Variants in WDR1 observed in about 807,000 individuals in gnomAD.
WDR1 encodes the protein WD repeat domain 1.
A neutral mutation model predicts 71.9 loss-of-function variants in WDR1; 21 were observed. The observed-to-expected ratio is 0.29, with a 90% CI of 0.21 to 0.42. The LOEUF is 0.42. WDR1 is among the 10% of genes least tolerant of loss of function. The probability of loss-of-function intolerance (pLI) is 1.00; values close to 1 mark genes in which losing one functional copy is unlikely to be tolerated. For missense variants in WDR1, 696 were observed against 824.5 expected (o/e 0.84, Z 1.91); for synonymous variants, 424 against 347.4 (o/e 1.22, Z -2.45).
Position 10,077,295 on chromosome 4 carries a change from G to C in WDR1, c.1714+9C>G. ...GTGGTCCCTGCCAAGGCCTGGGGGC[G>C]GAAGTCACCTTGGATCTTGACTCTG... On this transcript the variant is annotated intron_variant, in intron 14 of 14. Transcript: ENST00000499869. 1 of 1,613,784 alleles carries C rather than the reference G, an allele frequency of 6.2e-7. No homozygotes were observed. Among genetic ancestry groups the C allele is most frequent in the Admixed American group, 1.7e-5 (1 of 60,016 alleles).
At chr4:10,103,802 C>CCCCCCCCCCCCACCCCCA in intron 3 of WDR1, 94 bp downstream of exon 3, 1 of 710,064 alleles carries the variant, frequency 1.4e-6, no homozygotes, top group Non-Finnish European at 2.2e-6. Context: ...TCCCTCCTCC[C>CCCCCCCCCCCCACCCCCA]ACTCTCCCAA....
At position 10,077,951 on chromosome 4, in the gene WDR1, G is replaced by A. The variant is rs994122834; in HGVS notation, c.1396-25C>T. The A allele has an allele frequency of 1.0e-5, 16 of 1,584,084 alleles. No homozygotes were observed. In the Middle Eastern group the frequency reaches 5.0e-4, roughly 50 times the overall value. On this transcript the variant is annotated intron_variant, in intron 12 of 14. Coordinates refer to ENST00000499869, the MANE Select transcript of WDR1 (RefSeq NM_017491.5). ...CCTACGGCAGGGACAGAGAGGAAGTGAGCCACCCCTGAACACACACACCAC... is the reference window on the plus strand; with the variant it reads ...CCTACGGCAGGGACAGAGAGGAAGTAAGCCACCCCTGAACACACACACCAC...
chr4:10,107,504 T>C (rs1713093228), intron 2 of WDR1, among the ~76,000 whole-genome samples: 1 of 152,152 alleles, frequency 6.6e-6, no homozygotes, highest in Admixed American at 6.5e-5. Flanking sequence ...CACTCGTCGC[T>C]ACCCTGCTGC....
At chr4:10,104,126 T>C (rs2108797694) in intron 2 of WDR1, 140 bp from the exon 3 acceptor site, 2 of 840,184 alleles carry the variant, frequency 2.4e-6, no homozygotes, top group South Asian at 1.5e-5. Flanking sequence ...CGCAGAAGCA[T>C]ACCACTTGCC....
chr4:10,088,339 A>G lies in WDR1; in HGVS notation c.671T>C (p.Val224Ala). Reference protein sequence around the residue: ...YIYDGKTGEKVCALGGSKAHD... With the variant: ...YIYDGKTGEKACALGGSKAHD... ...GGCCTTGCTTCCGCCCAGCGCGCAC[A>G]CCTTCTCCCCAGTCTTCCCGTCATA... Residue 224 changes from valine to alanine, a missense_variant, in exon 7 of 15, where the codon GTG (valine) becomes GCG (alanine). Coordinates refer to ENST00000499869, the MANE Select transcript of WDR1 (RefSeq NM_017491.5). 1 of 1,559,466 alleles carries G rather than the reference A, an allele frequency of 6.4e-7. No individual in the cohort carries two copies. The highest frequency in any genetic ancestry group is 1.7e-4 in the Middle Eastern group (1 of 5,988).
intron 3 of WDR1, among the ~76,000 whole-genome samples, chr4:10,099,396 C>G (rs188826613): frequency 6.6e-6 from 1 of 152,252 alleles, no homozygotes; most frequent in Non-Finnish European, 1.5e-5. Flanking sequence ...TGCCAGAAAT[C>G]TTGCCAGAAA....
chr4:10,093,265 C>A, intron 5 of WDR1: 10 of 650,058 alleles, frequency 1.5e-5, no homozygotes, highest in Non-Finnish European at 2.3e-5. Flanking sequence ...CACCCTTAGG[C>A]TGTTCACATG....
At chr4:10,077,003 GA>G in intron 14 of WDR1, 3 of 377,394 alleles carry the variant, frequency 7.9e-6, no homozygotes, top group Non-Finnish European at 1.5e-5. Context: ...TAGGGAGGGG[GA>G]GACCCTGGTC....
rs540139641 is a variant in WDR1 at position 10,094,522 on chromosome 4, C to T, written c.558+3189G>A. On this transcript the variant is annotated intron_variant, in intron 5 of 14. Coordinates refer to ENST00000499869, the MANE Select transcript of WDR1 (RefSeq NM_017491.5). The stretch of plus-strand genomic sequence containing the variant: ...ATGGGGGAAGGCAGGGAGATGGTCT[C>T]GCCACCCTCCCTTTTTCAGGCCACG... 2.0e-3 allele frequency among the ~76,000 whole-genome samples: 299 copies of T among 152,308 alleles called. 3 individuals carry two copies. Among genetic ancestry groups the T allele is most frequent in the Non-Finnish European group, 2.9e-3 (194 of 68,032 alleles).
intron 5 of WDR1, among the ~76,000 whole-genome samples, chr4:10,089,066 C>A (rs1411390702): frequency 6.6e-6 from 1 of 152,218 alleles, no homozygotes; most frequent in Non-Finnish European, 1.5e-5. Context: ...TCTGAAAGAG[C>A]TCAAGCCCCA....
chr4:10,088,613 G>A (rs755015649), intron 6 of WDR1, 51 bp downstream of exon 6: 2 of 1,482,000 alleles, frequency 1.3e-6, no homozygotes, highest in South Asian at 2.4e-5. Flanking sequence ...AGCAGTCACG[G>A]GAGCAGGCAG....
At chr4:10,110,627 G>A (rs1713293988) in intron 2 of WDR1, among the ~76,000 whole-genome samples, 1 of 152,186 alleles carries the variant, frequency 6.6e-6, no homozygotes, top group Admixed American at 6.5e-5. Context: ...TTCTCCAGCA[G>A]CTGTCCCCGC....
At chr4:10,075,827 G>C in intron 14 of WDR1, 1 of 364,934 alleles carries the variant, frequency 2.7e-6, no homozygotes, top group Non-Finnish European at 5.2e-6. Flanking sequence ...TAAAAGCGAT[G>C]ACATGCAGAC....
At chr4:10,110,134 G>A (rs1451593227) in intron 2 of WDR1, among the ~76,000 whole-genome samples, 1 of 152,156 alleles carries the variant, frequency 6.6e-6, no homozygotes, top group Non-Finnish European at 1.5e-5. Flanking sequence ...TCCCTGGAGA[G>A]CAGGCAGGAC....
At chr4:10,104,049 C>A in intron 2 of WDR1, 63 bp from the exon 3 acceptor site, 2 of 1,494,280 alleles carry the variant, frequency 1.3e-6, no homozygotes, top group Non-Finnish European at 1.8e-6. Flanking sequence ...TCCAGCTCTC[C>A]ACATCAACAG....
At chr4:10,081,576 T>A in intron 10 of WDR1, 132 bp from the exon 11 acceptor site, 1 of 670,968 alleles carries the variant, frequency 1.5e-6, no homozygotes, top group South Asian at 1.7e-5. Context: ...CTGGAGAGAC[T>A]TGCTAAAATA....
intron 5 of WDR1, chr4:10,094,896 C>T (rs934953068): frequency 1.1e-4 from 16 of 152,348 alleles, no homozygotes; most frequent in Middle Eastern, 3.4e-3. Flanking sequence ...TGTACTGAAA[C>T]GCCTTCAGAA....
At chr4:10,114,067 C>A (rs1713558446) in intron 2 of WDR1, among the ~76,000 whole-genome samples, 1 of 151,900 alleles carries the variant, frequency 6.6e-6, no homozygotes, top group Non-Finnish European at 1.5e-5. Context: ...GTACTTTGCC[C>A]TAAAAAAAAT....
At chr4:10,094,065 G>A (rs1340674427) in intron 5 of WDR1, among the ~76,000 whole-genome samples, 1 of 152,242 alleles carries the variant, frequency 6.6e-6, no homozygotes, top group Non-Finnish European at 1.5e-5. Flanking sequence ...AACAGAGGGA[G>A]CAGTGGCACC....
Sources: allele counts gnomAD v4.1 joint callset (sites outside exome capture counted in the v4.1 genomes callset), GRCh38; gene constraint gnomAD v4.1.1; transcripts MANE v1.5; gene names NCBI Gene and HGNC (gene_info 2026-07-23, HGNC 2026-07-21).